HTR1F: variants seen among roughly 807,000 people sequenced by gnomAD.
HTR1F encodes the protein 5-hydroxytryptamine receptor 1F.
A neutral mutation model predicts 24.0 loss-of-function variants in HTR1F; 17 were observed. That is an observed-to-expected ratio of 0.71 (90% CI 0.48 to 1.06). The LOEUF is 1.06. HTR1F is among the 50% of genes least tolerant of loss of function. The probability of loss-of-function intolerance (pLI) is 0.00; values close to 1 mark genes in which losing one functional copy is unlikely to be tolerated. For missense variants in HTR1F, 391 were observed against 427.8 expected (o/e 0.91, Z 0.76); for synonymous variants, 186 against 156.8 (o/e 1.19, Z -1.39).
chr3:87,841,262 T>A (rs2107177478), intron 2 of HTR1F, among the ~76,000 whole-genome samples: 1 of 151,974 alleles, frequency 6.6e-6, no homozygotes, highest in East Asian at 1.9e-4. Flanking sequence ...TATTTGTCAA[T>A]TAAAAATAAA....
chr3:87,842,452 G>A (rs1008684514), intron 2 of HTR1F, among the ~76,000 whole-genome samples: 7 of 151,636 alleles, frequency 4.6e-5, no homozygotes, highest in Admixed American at 6.6e-5. Flanking sequence ...GTGAGCCACC[G>A]CACCCGGCCA....
intron 2 of HTR1F, among the ~76,000 whole-genome samples, chr3:87,922,692 T>A (rs1452204832): frequency 6.6e-6 from 1 of 152,024 alleles, no homozygotes; most frequent in Non-Finnish European, 1.5e-5. Context: ...TTTGAGTTAA[T>A]TTTTATATAT....
Position 87,991,743 on chromosome 3 carries a change from T to C in HTR1F, c.994T>C (p.Leu332=), listed in dbSNP as rs772357190. ...AATTTCTGAAGAAATGTCCAATTTT[T>C]TGGCATGGCTTGGGTATCTCAATTC... The part of the protein sequence containing the change: ...CKISEEMSNF[L]AWLGYLNSLI... The change falls in exon 3 of 3, where the codon TTG becomes CTG. Residue 332 remains leucine (L), a synonymous_variant. Coordinates refer to ENST00000319595, the MANE Select transcript of HTR1F (RefSeq NM_001322209.2). 8.1e-6 allele frequency: 13 copies of C among 1,613,774 alleles called. No homozygotes were observed. The highest frequency in any genetic ancestry group is 5.1e-6 in the Non-Finnish European group (6 of 1,179,848).
At chr3:87,872,608 G>C (rs1705582557) in intron 2 of HTR1F, among the ~76,000 whole-genome samples, 1 of 151,754 alleles carries the variant, frequency 6.6e-6, no homozygotes, top group African/African-American at 2.4e-5. Context: ...TGAAAGAGGA[G>C]ACACTACAGC....
intron 2 of HTR1F, among the ~76,000 whole-genome samples, chr3:87,895,373 G>A (rs1436733080): frequency 6.6e-6 from 1 of 151,844 alleles, no homozygotes; most frequent in Non-Finnish European, 1.5e-5. Flanking sequence ...ATGGCCAACA[G>A]GTATATGAAA....
Position 87,991,194 on chromosome 3 carries a change from A to G in HTR1F, c.445A>G (p.Ile149Val), listed in dbSNP as rs754376813. ...HAGIMITIVW[I>V]ISVFISMPPL... ...TGGCATTATGATTACAATAGTTTGG[A>G]TTATATCTGTTTTTATCTCTATGCC... Residue 149 changes from isoleucine to valine, a missense_variant, in exon 3 of 3, where the codon ATT becomes GTT. Transcript: ENST00000319595. 6.2e-7 allele frequency: 1 copy of G among 1,613,936 alleles called. No individual in the cohort carries two copies. Among genetic ancestry groups the G allele is most frequent in the Admixed American group, 1.7e-5 (1 of 59,960 alleles).
intron 2 of HTR1F, among the ~76,000 whole-genome samples, chr3:87,889,073 T>C (rs932282286): frequency 1.3e-5 from 2 of 152,070 alleles, no homozygotes; most frequent in Admixed American, 1.3e-4. Context: ...GAGAGCTGGT[T>C]GTTATAAAGA....
chr3:87,894,599 C>G (rs1216849166), intron 2 of HTR1F, among the ~76,000 whole-genome samples: 1 of 122,532 alleles, frequency 8.2e-6, no homozygotes, highest in African/African-American at 3.2e-5. Flanking sequence ...CAGAGTCTCT[C>G]TCTGTCACCC....
chr3:87,797,219 T>G (rs943506311), intron 1 of HTR1F, among the ~76,000 whole-genome samples: 3 of 152,198 alleles, frequency 2.0e-5, no homozygotes, highest in African/African-American at 4.8e-5. Context: ...GGGAAAAACA[T>G]AGTGTGTATA....
intron 1 of HTR1F, among the ~76,000 whole-genome samples, chr3:87,811,391 G>A (rs1297261661): frequency 3.3e-5 from 5 of 152,098 alleles, no homozygotes; most frequent in African/African-American, 4.8e-5. Context: ...GAAGATCTAG[G>A]AGTAAATAGG....
intron 2 of HTR1F, among the ~76,000 whole-genome samples, chr3:87,926,387 G>C (rs1182189367): frequency 6.6e-6 from 1 of 152,124 alleles, no homozygotes; most frequent in Non-Finnish European, 1.5e-5. Flanking sequence ...GCATCATGTA[G>C]ATGACTCTCC....
intron 2 of HTR1F, among the ~76,000 whole-genome samples, chr3:87,864,972 A>G (rs1249944241): frequency 1.3e-5 from 2 of 151,876 alleles, no homozygotes; most frequent in South Asian, 2.1e-4. Flanking sequence ...ATTCCCTTCT[A>G]CAATGTTTTG....
intron 2 of HTR1F, among the ~76,000 whole-genome samples, chr3:87,949,019 CTA>C: frequency 6.6e-6 from 1 of 152,198 alleles, no homozygotes; most frequent in Non-Finnish European, 1.5e-5. Context: ...AATTGTGTAT[CTA>C]TTTATATTCT....
At chr3:87,829,706 T>G (rs1232024923) in intron 2 of HTR1F, among the ~76,000 whole-genome samples, 1 of 152,226 alleles carries the variant, frequency 6.6e-6, no homozygotes, top group African/African-American at 2.4e-5. Flanking sequence ...AAAACACACT[T>G]TTATGCTCAT....
intron 1 of HTR1F, among the ~76,000 whole-genome samples, chr3:87,809,317 G>A (rs1346970323): frequency 5.9e-5 from 9 of 151,628 alleles, no homozygotes; most frequent in Admixed American, 2.6e-4. Context: ...ACTCTTAATC[G>A]TGCAAACCAA....
chr3:87,949,422 C>T (rs539222952), intron 2 of HTR1F, among the ~76,000 whole-genome samples: 1 of 152,296 alleles, frequency 6.6e-6, no homozygotes, highest in African/African-American at 2.4e-5. Context: ...GAAGAGGACT[C>T]CTTCAGAAAG....
At chr3:87,815,488 C>T (rs1704233580) in intron 1 of HTR1F, among the ~76,000 whole-genome samples, 1 of 152,014 alleles carries the variant, frequency 6.6e-6, no homozygotes, top group African/African-American at 2.4e-5. Flanking sequence ...AAGATGCATA[C>T]ATTGTATTGA....
At chr3:87,910,580 A>G (rs1452189655) in intron 2 of HTR1F, among the ~76,000 whole-genome samples, 1 of 152,060 alleles carries the variant, frequency 6.6e-6, no homozygotes, top group Non-Finnish European at 1.5e-5. Context: ...GAAAATTAAC[A>G]GAGATATTTA....
intron 2 of HTR1F, among the ~76,000 whole-genome samples, chr3:87,905,182 T>C (rs1703634570): frequency 6.6e-6 from 1 of 151,868 alleles, no homozygotes. Context: ...TGGTGGTATA[T>C]GTCTGTAGTC....
Sources: gnomAD v4.1 joint callset for allele counts (sites outside exome capture counted in the v4.1 genomes callset) on GRCh38, gnomAD v4.1.1 for gene constraint, MANE v1.5 for transcripts, NCBI Gene and HGNC (gene_info 2026-07-23, HGNC 2026-07-21) for gene names.